Variants in ITGB6 observed in about 807,000 individuals in gnomAD.
The protein encoded by ITGB6 is integrin beta-6.
In ITGB6, 80 loss-of-function variants were observed where a neutral mutation model predicts 84.5. The ratio of observed to expected loss-of-function variants is 0.95; its 90% CI spans 0.79 to 1.14. The LOEUF (loss-of-function observed/expected upper bound fraction) is 1.14, where lower values mean the gene tolerates loss of function less well. ITGB6 is among the 50% of genes most tolerant of loss of function. The pLI is 0.00. For missense variants in ITGB6, 1,006 were observed against 968.0 expected (o/e 1.04, Z -0.52); for synonymous variants, 383 against 354.9 (o/e 1.08, Z -0.89).
At chr2:160,132,615 C>G (rs1242477399) in intron 10 of ITGB6, among the ~76,000 whole-genome samples, 1 of 152,068 alleles carries the variant, frequency 6.6e-6, no homozygotes, top group Non-Finnish European at 1.5e-5. Context: ...GATATTGAAG[C>G]TTAAATTCAG....
rs577943287 is a variant in ITGB6 at position 160,115,422 on chromosome 2, C to T, written c.1982-3223G>A. Among the ~76,000 whole-genome samples the T allele has an allele frequency of 2.3e-3, 351 of 152,326 alleles. 1 individual carries two copies. Among genetic ancestry groups the T allele is most frequent in the African/African-American group, 7.9e-3 (329 of 41,572 alleles). On this transcript the variant is annotated intron_variant, in intron 12 of 14. Transcript: ENST00000283249. ...AACAGGGTCTGGAGTGGACCTCTAG[C>T]AAACTCCAACAGACCTGCAGCTGAG...
chr2:160,138,716 A>G (rs1365691841), intron 8 of ITGB6, among the ~76,000 whole-genome samples: 2 of 152,150 alleles, frequency 1.3e-5, no homozygotes, highest in Admixed American at 6.5e-5. Context: ...TCCTCCACCA[A>G]TGAATATTTG....
intron 7 of ITGB6, among the ~76,000 whole-genome samples, chr2:160,165,477 G>A (rs1684968652): frequency 1.3e-5 from 2 of 152,136 alleles, no homozygotes; most frequent in Admixed American, 6.5e-5. Context: ...AATAGCAAAG[G>A]GGTCCAATTT....
At chr2:160,182,953 G>A (rs1167153086) in intron 4 of ITGB6, among the ~76,000 whole-genome samples, 2 of 152,130 alleles carry the variant, frequency 1.3e-5, no homozygotes, top group African/African-American at 2.4e-5. Flanking sequence ...GAGAGATTTT[G>A]CCACCACCAG....
At chr2:160,158,843 G>A (rs1339897774) in intron 7 of ITGB6, among the ~76,000 whole-genome samples, 1 of 152,202 alleles carries the variant, frequency 6.6e-6, no homozygotes, top group African/African-American at 2.4e-5. Context: ...GCTCATGCCT[G>A]TAATCCCAGC....
rs367623870 is a variant in ITGB6, at chr2:160,172,533, T to C, written c.921+36A>G. 26 of 1,538,880 alleles carry C rather than the reference T, an allele frequency of 1.7e-5. No individual in the cohort carries two copies. The Middle Eastern group carries it at 6.9e-4, about 41-fold the overall frequency. On this transcript the variant is annotated intron_variant, in intron 6 of 14. Transcript: ENST00000283249. ...AGTTGTTGCTTCGTTCTCCTACTTA[T>C]AGCCCTGAAAACAGTACAGAGTGCA...
intron 8 of ITGB6, among the ~76,000 whole-genome samples, chr2:160,139,320 T>C (rs1223659987): frequency 6.6e-6 from 1 of 152,182 alleles, no homozygotes; most frequent in Non-Finnish European, 1.5e-5. Flanking sequence ...GCTTCAAATT[T>C]CCCTTAAGTG....
chr2:160,136,956 A>G (rs964820613), intron 10 of ITGB6, among the ~76,000 whole-genome samples: 43 of 151,970 alleles, frequency 2.8e-4, no homozygotes, highest in Admixed American at 7.2e-4. Flanking sequence ...ATGTTAAATG[A>G]TGAGTTAATG....
At chr2:160,120,843 T>G (rs1159067882) in intron 12 of ITGB6, among the ~76,000 whole-genome samples, 4 of 143,362 alleles carry the variant, frequency 2.8e-5, no homozygotes, top group African/African-American at 1.1e-4. Context: ...TTCTCACTCA[T>G]AGGTGGGAAT....
intron 7 of ITGB6, among the ~76,000 whole-genome samples, chr2:160,147,005 G>A (rs1048478209): frequency 1.3e-5 from 2 of 151,584 alleles, no homozygotes; most frequent in African/African-American, 2.4e-5. Context: ...AGGCTGAGGT[G>A]GGAGGATTGC....
chr2:160,151,248 T>TCATA (rs1292812624), intron 7 of ITGB6, among the ~76,000 whole-genome samples: 1 of 152,222 alleles, frequency 6.6e-6, no homozygotes. Context: ...GAACTGTCTC[T>TCATA]CATACCACAG....
At chr2:160,199,961 A>G in intron 1 of ITGB6, 42 bp downstream of exon 1, 1 of 1,471,004 alleles carries the variant, frequency 6.8e-7, no homozygotes, top group Non-Finnish European at 9.5e-7. Context: ...AGGTTTGTCA[A>G]GCATACCACG....
intron 7 of ITGB6, among the ~76,000 whole-genome samples, chr2:160,165,340 G>T (rs561520968): frequency 1.3e-4 from 20 of 152,042 alleles, no homozygotes; most frequent in Non-Finnish European, 2.6e-4. Context: ...AAATCTTCCC[G>T]CCCAGTCTTT....
At position 160,145,072 on chromosome 2, in the gene ITGB6, A is replaced by G. The variant is rs182792479; in HGVS notation, c.1018-3001T>C. On this transcript the variant is annotated intron_variant, in intron 7 of 14. Transcript: ENST00000283249. ...TGATTACTGTAAATATCATGTGTCA[A>G]ATGCCTTCCTTTCATTAAAGTCTTA... Among the ~76,000 whole-genome samples, 344 of 152,352 alleles carry G rather than the reference A, an allele frequency of 2.3e-3. 1 individual carries two copies. The highest frequency in any genetic ancestry group is 7.7e-3 in the African/African-American group (322 of 41,580).
intron 5 of ITGB6, among the ~76,000 whole-genome samples, 181 bp downstream of exon 5, chr2:160,173,793 G>A (rs1159698002): frequency 6.6e-6 from 1 of 152,102 alleles, no homozygotes; most frequent in East Asian, 1.9e-4. Flanking sequence ...AGAAAGGACA[G>A]TCCCCATTTC....
At chr2:160,186,645 A>G (rs1170914467) in intron 4 of ITGB6, among the ~76,000 whole-genome samples, 2 of 152,138 alleles carry the variant, frequency 1.3e-5, no homozygotes, top group African/African-American at 4.8e-5. Flanking sequence ...AAATCATTCC[A>G]CTATAAAGAC....
chr2:160,180,819 T>C (rs534931000), intron 4 of ITGB6, among the ~76,000 whole-genome samples: 2 of 152,126 alleles, frequency 1.3e-5, no homozygotes, highest in South Asian at 4.2e-4. Context: ...GGTTAGACAA[T>C]GGGTGCAGCC....
intron 12 of ITGB6, among the ~76,000 whole-genome samples, chr2:160,120,125 T>C (rs535829790): frequency 1.3e-5 from 2 of 151,986 alleles, no homozygotes; most frequent in East Asian, 1.9e-4. Context: ...CTCAGGGATC[T>C]AGAACTAGAA....
chr2:160,158,419 A>C (rs764047869), intron 7 of ITGB6, among the ~76,000 whole-genome samples: 18 of 152,248 alleles, frequency 1.2e-4, no homozygotes, highest in Non-Finnish European at 2.1e-4. Flanking sequence ...ACAAATGCAC[A>C]GAGAGGCACT....
Sources: gnomAD v4.1 joint callset for allele counts (sites outside exome capture counted in the v4.1 genomes callset) on GRCh38, gnomAD v4.1.1 for gene constraint, MANE v1.5 for transcripts, NCBI Gene and HGNC (gene_info 2026-07-23, HGNC 2026-07-21) for gene names.